Variants in SNTG1 observed in about 807,000 individuals in gnomAD.
The protein encoded by SNTG1 is gamma-1-syntrophin.
A neutral mutation model predicts 74.7 loss-of-function variants in SNTG1; 39 were observed. The ratio of observed to expected loss-of-function variants is 0.52; its 90% CI spans 0.40 to 0.68. SNTG1 has a LOEUF of 0.68. Ranked by LOEUF, SNTG1 falls within the 30% of genes least tolerant of loss-of-function variation. The pLI is 0.00. For synonymous variants in SNTG1, 254 were observed against 217.1 expected (o/e 1.17, Z -1.49); for missense variants, 685 against 609.5 (o/e 1.12, Z -1.30).
chr8:50,649,360 G>A (rs1006845048), intron 13 of SNTG1, among the ~76,000 whole-genome samples: 17 of 152,066 alleles, frequency 1.1e-4, no homozygotes, highest in Non-Finnish European at 1.8e-4. Context: ...TTAGCCGGAC[G>A]TTATGGTGCG....
At chr8:49,975,434 G>A (rs553505432) in intron 1 of SNTG1, among the ~76,000 whole-genome samples, 1 of 152,104 alleles carries the variant, frequency 6.6e-6, no homozygotes, top group Admixed American at 6.6e-5. Context: ...TTCATGTTTC[G>A]ATTAATCGCC....
intron 2 of SNTG1, among the ~76,000 whole-genome samples, chr8:50,346,832 T>G (rs1036713783): frequency 4.6e-5 from 7 of 152,248 alleles, no homozygotes; most frequent in Non-Finnish European, 2.9e-5. Flanking sequence ...AGCAAGGCCC[T>G]AACTCTCTTC....
chr8:49,998,731 G>A (rs1452998487), intron 1 of SNTG1, among the ~76,000 whole-genome samples: 2 of 151,938 alleles, frequency 1.3e-5, no homozygotes, highest in East Asian at 1.9e-4. Context: ...GCATGGAGCT[G>A]TCATCTCCTG....
intron 8 of SNTG1, among the ~76,000 whole-genome samples, chr8:50,486,313 CT>C (rs1304036457): frequency 1.1e-4 from 16 of 143,768 alleles, no homozygotes; most frequent in African/African-American, 4.1e-4. Flanking sequence ...TTTGTATCCT[CT>C]TTTATTTCCT....
intron 1 of SNTG1, among the ~76,000 whole-genome samples, chr8:49,937,961 C>T (rs966807254): frequency 3.3e-5 from 5 of 152,232 alleles, no homozygotes; most frequent in African/African-American, 1.2e-4. Context: ...TTGTCCCTCC[C>T]TTCTTTTCTT....
intron 11 of SNTG1, among the ~76,000 whole-genome samples, chr8:50,552,579 G>A (rs1256599782): frequency 6.6e-6 from 1 of 152,144 alleles, no homozygotes; most frequent in Non-Finnish European, 1.5e-5. Flanking sequence ...ACAAAGTGCT[G>A]CCACTCATGT....
At position 50,698,660 on chromosome 8, in the gene SNTG1, ACTGTGC is replaced by A. The variant is rs1306697859; in HGVS notation, c.1039-5939_1039-5934del. ...GCTGCCACTGCTGCTAGTTTTCAGGACTGTGCACAGCTTGCAAAGAGCTAGGATCAA... is the reference window on the plus strand; with the variant it reads ...GCTGCCACTGCTGCTAGTTTTCAGGAACAGCTTGCAAAGAGCTAGGATCAA... On this transcript the variant is annotated intron_variant, in intron 15 of 18. Coordinates refer to ENST00000642720, the MANE Select transcript of SNTG1 (RefSeq NM_018967.5). Among the ~76,000 whole-genome samples, 19 of 152,262 alleles carry A rather than the reference ACTGTGC, an allele frequency of 1.2e-4. No individual in the cohort carries two copies. In the South Asian group the frequency reaches 3.9e-3, roughly 32 times the overall value.
chr8:50,713,886 T>G (rs536856397), intron 17 of SNTG1, among the ~76,000 whole-genome samples: 3 of 152,046 alleles, frequency 2.0e-5, no homozygotes, highest in African/African-American at 7.2e-5. Context: ...AATGAAACCT[T>G]GCCTCTACTA....
chr8:50,195,597 G>A (rs529087483), intron 2 of SNTG1, among the ~76,000 whole-genome samples: 1 of 152,254 alleles, frequency 6.6e-6, no homozygotes, highest in Admixed American at 6.5e-5. Flanking sequence ...TAGGGGATGC[G>A]GCAAGCTCCC....
intron 13 of SNTG1, among the ~76,000 whole-genome samples, chr8:50,642,930 G>T (rs1490685771): frequency 1.3e-5 from 2 of 152,062 alleles, no homozygotes; most frequent in African/African-American, 4.8e-5. Flanking sequence ...AGGCTTGAAT[G>T]AATTACTGTA....
chr8:50,105,682 T>C lies in SNTG1; in HGVS notation c.-102-66879T>C, dbSNP rs1311368627. 2.0e-5 allele frequency among the ~76,000 whole-genome samples: 3 copies of C among 152,148 alleles called. No individual in the cohort carries two copies. The East Asian group carries it at 5.8e-4, about 29-fold the overall frequency. The stretch of plus-strand genomic sequence containing the variant: ...TATTCATGAGCATGGGATATTTTTC[T>C]AGTTGTGATGTCTCTGATTTCTTTC... On this transcript the variant is annotated intron_variant, in intron 1 of 18. Transcript: ENST00000642720.
chr8:50,785,700 A>C (rs1256021265), intron 18 of SNTG1, among the ~76,000 whole-genome samples: 2 of 151,990 alleles, frequency 1.3e-5, no homozygotes, highest in African/African-American at 4.8e-5. Context: ...GCAAAACCAA[A>C]ACCATCAGAT....
At chr8:50,407,865 A>G (rs28420931) in intron 4 of SNTG1, among the ~76,000 whole-genome samples, 2,024 of 152,286 alleles carry the variant, frequency 0.013, 34 homozygotes, top group African/African-American at 0.047. Flanking sequence ...CAGGGCCTAA[A>G]TCACAGTGCT....
intron 1 of SNTG1, among the ~76,000 whole-genome samples, chr8:50,151,639 C>G (rs915849042): frequency 6.6e-6 from 1 of 152,106 alleles, no homozygotes; most frequent in African/African-American, 2.4e-5. Flanking sequence ...CAAAGAACAT[C>G]TTTATTTCTG....
At chr8:50,639,929 TATC>T (rs1211634058) in intron 13 of SNTG1, among the ~76,000 whole-genome samples, 2 of 152,262 alleles carry the variant, frequency 1.3e-5, no homozygotes, top group South Asian at 2.1e-4. Flanking sequence ...CAGGACCAGT[TATC>T]ATATATATCC....
At chr8:50,444,901 T>G (rs2131597414) in intron 5 of SNTG1, among the ~76,000 whole-genome samples, 1 of 152,280 alleles carries the variant, frequency 6.6e-6, no homozygotes, top group South Asian at 2.1e-4. Context: ...TTTATTGAGG[T>G]ATAATTCCAA....
At chr8:50,029,739 C>A (rs952716788) in intron 1 of SNTG1, among the ~76,000 whole-genome samples, 3 of 152,034 alleles carry the variant, frequency 2.0e-5, no homozygotes, top group Admixed American at 6.6e-5. Context: ...TTCCTTTATT[C>A]ATTAGTCTGT....
intron 2 of SNTG1, among the ~76,000 whole-genome samples, chr8:50,352,554 C>T (rs1213807964): frequency 1.3e-5 from 2 of 152,056 alleles, no homozygotes; most frequent in Non-Finnish European, 2.9e-5. Context: ...CCACACCTGG[C>T]TAATTTTTTT....
chr8:50,389,297 G>A (rs533324273), intron 2 of SNTG1, among the ~76,000 whole-genome samples: 2 of 152,188 alleles, frequency 1.3e-5, no homozygotes, highest in Non-Finnish European at 2.9e-5. Flanking sequence ...ATGTATACTG[G>A]GATTGCACAA....
Sources: gnomAD v4.1 joint callset for allele counts (sites outside exome capture counted in the v4.1 genomes callset) on GRCh38, gnomAD v4.1.1 for gene constraint, MANE v1.5 for transcripts, NCBI Gene and HGNC (gene_info 2026-07-23, HGNC 2026-07-21) for gene names.